The following TBC1D16 variants were observed in gnomAD, a reference collection of about 807,000 sequenced individuals.
TBC1D16 encodes TBC1 domain family member 16.
A neutral mutation model predicts 74.7 loss-of-function variants in TBC1D16; 58 were observed. The ratio of observed to expected loss-of-function variants is 0.78; its 90% CI spans 0.63 to 0.97. The LOEUF (loss-of-function observed/expected upper bound fraction) is 0.97. TBC1D16 is among the 50% of genes least tolerant of loss of function. The pLI, the probability that TBC1D16 is intolerant of heterozygous loss-of-function variation, is 0.00. For synonymous variants in TBC1D16, 493 were observed against 474.7 expected (o/e 1.04, Z -0.50); for missense variants, 1,014 against 1,079.5 (o/e 0.94, Z 0.85).
chr17:79,942,029 G>A (rs766032092), intron 11 of TBC1D16, 31 bp downstream of exon 11: 272 of 1,579,680 alleles, frequency 1.7e-4, no homozygotes, highest in Non-Finnish European at 2.1e-4. Context: ...GGGGCGGGGC[G>A]GGGTGGGGCC....
At chr17:79,989,701 C>T (rs1449242526) in intron 3 of TBC1D16, among the ~76,000 whole-genome samples, 4 of 152,252 alleles carry the variant, frequency 2.6e-5, no homozygotes, top group Non-Finnish European at 5.9e-5. Context: ...TGTTCAAATA[C>T]ACGAACATCC....
rs1333559699 is a variant in TBC1D16, at chr17:79,933,053, T to TGA, written c.*7804_*7805dup. The TGA allele has an allele frequency of 2.0e-5, 3 of 152,122 alleles. No homozygotes were observed. Among genetic ancestry groups the TGA allele is most frequent in the Admixed American group, 2.0e-4 (3 of 15,268 alleles). 9.4% of individuals were successfully genotyped at this position (152,122 alleles called of 1,614,324 possible). On this transcript the variant is annotated 3_prime_UTR_variant, in exon 12 of 12. Transcript: ENST00000310924. ...GAGCCCAAAGATCTGGTTGTTCTCT[T>TGA]GAGATGCAGAGAGGAGGCCCACAGG...
rs546508390 is a variant in TBC1D16, at chr17:79,951,341, A to T, written c.1089+109T>A. 3 of 1,368,834 alleles carry T rather than the reference A, an allele frequency of 2.2e-6. No individual in the cohort carries two copies. In the East Asian group the frequency reaches 7.0e-5, roughly 32 times the overall value. The allele number at this position is 1,368,834 out of a possible 1,614,324, so 84.8% of individuals were successfully genotyped here. On this transcript the variant is annotated intron_variant, in intron 5 of 11. Transcript: ENST00000310924. Reference sequence around the variant, plus strand: ...AAACTACCGTGGGTCACACCCCGTAAGCCCCCGGGGCCCGGGGACCCCAGA... The same window carrying T: ...AAACTACCGTGGGTCACACCCCGTATGCCCCCGGGGCCCGGGGACCCCAGA...
chr17:80,030,441 G>C (rs888677830), intron 1 of TBC1D16, among the ~76,000 whole-genome samples: 1 of 152,172 alleles, frequency 6.6e-6, no homozygotes, highest in African/African-American at 2.4e-5. Flanking sequence ...CCTGCCCGTG[G>C]AGGCTGCCTC....
At position 79,975,380 on chromosome 17, in the gene TBC1D16, C is replaced by T. The variant is rs2034290821; in HGVS notation, c.780-22562G>A. Among the ~76,000 whole-genome samples the T allele has an allele frequency of 6.6e-6, 1 of 152,202 alleles. No individual in the cohort carries two copies. Among genetic ancestry groups the T allele is most frequent in the African/African-American group, 2.4e-5 (1 of 41,448 alleles). On this transcript the variant is annotated intron_variant, in intron 3 of 11. Transcript: ENST00000310924. The surrounding 1 kb of genome is among the most constrained non-coding windows in gnomAD (Gnocchi z 4.5). ...GTCCTATTCACACCCTTGGCCCCAGCTGGCTGTGAGGTTTCCTGGGAACCC... is the reference window on the plus strand; with the variant it reads ...GTCCTATTCACACCCTTGGCCCCAGTTGGCTGTGAGGTTTCCTGGGAACCC...
At position 79,950,557 on chromosome 17, in the gene TBC1D16, A is replaced by T; in HGVS notation, c.1111T>A (p.Cys371Ser). Residue 371 changes from cysteine (C) to serine (S), a missense_variant, in exon 6 of 12, where the codon TGC (cysteine) becomes AGC (serine). Cys to Ser is a moderately radical substitution (Grantham distance 112). Transcript: ENST00000310924. The surrounding 1 kb of genome is among the most constrained non-coding windows in gnomAD (Gnocchi z 4.6). ...KDQQVAPDKT[C>S]MQFSIRRPKL... ...GGGCGGCGGATGGAGAACTGCATGC[A>T]TGTCTTATCGGGGGCGACCTGCTGG... 6.2e-7 allele frequency: 1 copy of T among 1,612,782 alleles called. No individual in the cohort carries two copies. The highest frequency in any genetic ancestry group is 1.1e-5 in the South Asian group (1 of 90,572).
At position 80,001,997 on chromosome 17, in the gene TBC1D16, C is replaced by G. The variant is rs1371776838; in HGVS notation, c.779+8163G>C. On this transcript the variant is annotated intron_variant, in intron 3 of 11. Coordinates refer to ENST00000310924, the MANE Select transcript of TBC1D16 (RefSeq NM_019020.4). This position sits in a 1 kb window ranked among gnomAD's most constrained non-coding sequence, Gnocchi z 5.8. ...TCGTGTGCCACCGCTCACTTCTTCG[C>G]CCACCTCCAGGAGTTTCTAATCCTC... 6.6e-6 allele frequency among the ~76,000 whole-genome samples: 1 copy of G among 152,174 alleles called. No individual in the cohort carries two copies. The highest frequency in any genetic ancestry group is 1.9e-4 in the East Asian group (1 of 5,190).
At chr17:79,943,735 G>T in intron 10 of TBC1D16, 1 of 937,380 alleles carries the variant, frequency 1.1e-6, no homozygotes, top group Non-Finnish European at 1.3e-6. Flanking sequence ...ATTCTGACTA[G>T]ATCTCATTAC....
In TBC1D16 at chr17:79,944,951, G is replaced by A. The variant is rs769493881; in HGVS notation, c.1865C>T (p.Ala622Val). 2 of 1,555,172 alleles carry A rather than the reference G, an allele frequency of 1.3e-6. No homozygotes were observed. The highest frequency in any genetic ancestry group is 1.7e-6 in the Non-Finnish European group (2 of 1,149,224). ...GGCCTCCCAGATCCGCAGCGCTTCG[G>A]CCTCGGGGAACTCCCGCTTGAAGCA... ...LLCFKREFPE[A>V]EALRIWEACW... Residue 622 changes from alanine (A) to valine (V), a missense_variant, in exon 10 of 12, where the codon GCC (alanine) becomes GTC (valine). By Grantham distance (64) the Ala-to-Val change is moderately conservative (BLOSUM62 0). Transcript: ENST00000310924. This position sits in a 1 kb window ranked among gnomAD's most constrained non-coding sequence, Gnocchi z 7.7.
At chr17:79,998,155 A>C (rs868003934) in intron 3 of TBC1D16, among the ~76,000 whole-genome samples, 11 of 146,038 alleles carry the variant, frequency 7.5e-5, no homozygotes, top group Middle Eastern at 3.4e-3. Flanking sequence ...AAAGACAAGA[A>C]AAGAAAAGGA....
Position 79,990,656 on chromosome 17 carries a change from C to A in TBC1D16, c.779+19504G>T, listed in dbSNP as rs2035023639. Among the ~76,000 whole-genome samples, 1 of 152,208 alleles carries A rather than the reference C, an allele frequency of 6.6e-6. No homozygotes were observed. The highest frequency in any genetic ancestry group is 1.5e-5 in the Non-Finnish European group (1 of 68,038). On this transcript the variant is annotated intron_variant, in intron 3 of 11. Transcript: ENST00000310924. The surrounding 1 kb of genome is among the most constrained non-coding windows in gnomAD (Gnocchi z 4.8). ...CAACGTCGAGCCCAGTGGCATTATACCATTCCTATTTTTGTGCAACCATGA... is the reference window on the plus strand; with the variant it reads ...CAACGTCGAGCCCAGTGGCATTATAACATTCCTATTTTTGTGCAACCATGA...
Position 79,945,966 on chromosome 17 carries a change from G to A in TBC1D16, c.1729-879C>T, listed in dbSNP as rs1241778000. ...GCTGAAGCTGTGCGGCCAGCCCTCC[G>A]CCCTGTGGCCTACGGCCAGGTCAAG... On this transcript the variant is annotated intron_variant, in intron 9 of 11. Coordinates refer to ENST00000310924, the MANE Select transcript of TBC1D16 (RefSeq NM_019020.4). 3.3e-5 allele frequency among the ~76,000 whole-genome samples: 5 copies of A among 152,124 alleles called. No individual in the cohort carries two copies. In the East Asian group the frequency reaches 5.8e-4, roughly 18 times the overall value.
chr17:80,031,414 A>C (rs957637848), intron 1 of TBC1D16, among the ~76,000 whole-genome samples: 17 of 152,108 alleles, frequency 1.1e-4, no homozygotes, highest in African/African-American at 3.6e-4. Flanking sequence ...AAATGAAGAA[A>C]CTAGGGCTTA....
At chr17:79,951,026 A>T (rs2143703988) in intron 5 of TBC1D16, among the ~76,000 whole-genome samples, 1 of 152,206 alleles carries the variant, frequency 6.6e-6, no homozygotes, top group East Asian at 1.9e-4. Context: ...TTAATTCAAA[A>T]ATCAAAGGTT....
Position 79,980,387 on chromosome 17 carries a change from C to T in TBC1D16, c.780-27569G>A, listed in dbSNP as rs75291583. On this transcript the variant is annotated intron_variant, in intron 3 of 11. Coordinates refer to ENST00000310924, the MANE Select transcript of TBC1D16 (RefSeq NM_019020.4). The surrounding 1 kb of genome is among the most constrained non-coding windows in gnomAD (Gnocchi z 7.0). ...CGCCTAACAAGCCGGAGCTTTCCTT[C>T]CTTCCCGGAGGAACAAGACACTAAG... 0.015 allele frequency among the ~76,000 whole-genome samples: 2,307 copies of T among 152,298 alleles called. 62 individuals are homozygous for T. Among genetic ancestry groups the T allele is most frequent in the African/African-American group, 0.053 (2,201 of 41,540 alleles).
intron 1 of TBC1D16, among the ~76,000 whole-genome samples, chr17:80,027,916 G>T (rs944904012): frequency 2.2e-5 from 3 of 137,994 alleles, no homozygotes; most frequent in Non-Finnish European, 4.7e-5. Context: ...AAAAAAAAGA[G>T]AAGCAGCTAA....
chr17:79,951,332 C>T lies in TBC1D16; in HGVS notation c.1089+118G>A. On this transcript the variant is annotated intron_variant, in intron 5 of 11. Transcript: ENST00000310924. ...GACGGCCAAAAACTACCGTGGGTCA[C>T]ACCCCGTAAGCCCCCGGGGCCCGGG... is the stretch of plus-strand genomic sequence containing the variant. 3 of 1,287,160 alleles carry T rather than the reference C, an allele frequency of 2.3e-6. 1 individual carries two copies. In the South Asian group the frequency reaches 4.3e-5, roughly 19 times the overall value. The allele number at this position is 1,287,160 out of a possible 1,614,324, so 79.7% of individuals were successfully genotyped here. A position where few individuals can be genotyped will look rare whatever the true frequency, so the allele number is the denominator to read the frequency against.
chr17:79,945,072 G>A lies in TBC1D16; in HGVS notation c.1744C>T (p.Leu582=), dbSNP rs562625264. Reference sequence around the variant, plus strand: ...AAGCGCACGTGCGTCAGCCGCAGCAGCTCGCGCAGGTACAGCTGGGGGTGA... The same window carrying A: ...AAGCGCACGTGCGTCAGCCGCAGCAACTCGCGCAGGTACAGCTGGGGGTGA... The part of the protein sequence containing the change: ...MEKQLLYLRE[L]LRLTHVRFYQ... The change falls in exon 10 of 12, where the codon CTG becomes TTG. Residue 582 remains leucine, a synonymous_variant. Transcript: ENST00000310924. The A allele has an allele frequency of 1.9e-6, 3 of 1,583,222 alleles. No homozygotes were observed. Among genetic ancestry groups the A allele is most frequent in the Non-Finnish European group, 2.6e-6 (3 of 1,166,174 alleles).
intron 1 of TBC1D16, among the ~76,000 whole-genome samples, chr17:80,026,951 C>G (rs1202858648): frequency 6.7e-6 from 1 of 149,726 alleles, no homozygotes; most frequent in African/African-American, 2.5e-5. Flanking sequence ...CGAACAGAGG[C>G]GGGGGCAGCC....
Sources: allele counts gnomAD v4.1 joint callset (sites outside exome capture counted in the v4.1 genomes callset), GRCh38; gene constraint gnomAD v4.1.1; non-coding constraint Gnocchi (gnomAD v3.1); transcripts MANE v1.5; gene names NCBI Gene and HGNC (gene_info 2026-07-23, HGNC 2026-07-21).